Variants in NRXN3 observed in about 807,000 individuals in gnomAD.
NRXN3 encodes neurexin 3.
In NRXN3, 32 loss-of-function variants were observed where a neutral mutation model predicts 137.6. That is an observed-to-expected ratio of 0.23 (90% CI 0.18 to 0.31). The LOEUF (loss-of-function observed/expected upper bound fraction) is 0.31. Among genes scored for constraint, NRXN3 ranks in the 10% least tolerant of loss-of-function variants. The probability of loss-of-function intolerance (pLI) is 1.00; values close to 1 mark genes in which losing one functional copy is unlikely to be tolerated. For synonymous variants in NRXN3, 798 were observed against 784.5 expected (o/e 1.02, Z -0.29); for missense variants, 1,574 against 2,062.5 (o/e 0.76, Z 4.59).
rs139974759 is a variant in NRXN3 at position 79,157,960 on chromosome 14, C to T, written c.3262+169819C>T. On this transcript the variant is annotated intron_variant, in intron 15 of 20. Coordinates refer to ENST00000335750, the MANE Select transcript of NRXN3 (RefSeq NM_001330195.2). ...TGCATATTGTTTTTTTCTGAAATGC[C>T]GCTATGCAGTCAGGGATGAGAAGGG... Among the ~76,000 whole-genome samples, 94 of 151,680 alleles carry T rather than the reference C, an allele frequency of 6.2e-4. No individual in the cohort carries two copies. In the East Asian group the frequency reaches 0.016, roughly 25 times the overall value.
intron 15 of NRXN3, among the ~76,000 whole-genome samples, chr14:79,139,265 AT>A (rs2058558732): frequency 6.6e-6 from 1 of 152,166 alleles, no homozygotes; most frequent in Non-Finnish European, 1.5e-5. Flanking sequence ...ACATAGTGTC[AT>A]TTGGACTTTT....
chr14:79,853,472 T>C, intron 20 of NRXN3: 1 of 904,186 alleles, frequency 1.1e-6, no homozygotes, highest in Non-Finnish European at 1.5e-6. Flanking sequence ...AGTTCTGTTC[T>C]TTATTTCCAT....
chr14:78,525,824 A>G (rs1172440167), intron 4 of NRXN3, among the ~76,000 whole-genome samples: 2 of 152,152 alleles, frequency 1.3e-5, no homozygotes, highest in Non-Finnish European at 2.9e-5. Context: ...TTTGCTCCTC[A>G]TTAGCAGTGT....
intron 15 of NRXN3, among the ~76,000 whole-genome samples, chr14:79,299,681 T>A (rs2084808511): frequency 6.6e-6 from 1 of 152,074 alleles, no homozygotes; most frequent in Non-Finnish European, 1.5e-5. Flanking sequence ...GAGAGTTCAG[T>A]AAATGCTAAC....
intron 6 of NRXN3, among the ~76,000 whole-genome samples, chr14:78,693,656 CGTGTGTGTGTGTGTGTGTGTGTGTGTGT>C (rs4016744): frequency 6.1e-5 from 7 of 113,988 alleles, no homozygotes; most frequent in East Asian, 2.7e-4. Flanking sequence ...AGTTGATTTT[CGTGTGTGTGTGTGTGTGTGTGTGTGTGT>C]GTGTGTGTGT....
At chr14:78,401,255 C>A (rs940966409) in intron 4 of NRXN3, among the ~76,000 whole-genome samples, 2 of 152,136 alleles carry the variant, frequency 1.3e-5, no homozygotes, top group African/African-American at 2.4e-5. Context: ...GCCACCGCCT[C>A]CTGGGTTCAA....
chr14:79,006,430 A>G (rs1292105208), intron 15 of NRXN3, among the ~76,000 whole-genome samples: 1 of 152,192 alleles, frequency 6.6e-6, no homozygotes, highest in African/African-American at 2.4e-5. Context: ...AATAGAATAT[A>G]AGCTGCTACA....
At chr14:79,517,866 A>ACTT (rs2097010684) in intron 16 of NRXN3, among the ~76,000 whole-genome samples, 2 of 95,266 alleles carry the variant, frequency 2.1e-5, no homozygotes, top group Admixed American at 9.7e-5. Context: ...CTCCCTTATT[A>ACTT]CTTTTTCTTT....
intron 15 of NRXN3, among the ~76,000 whole-genome samples, chr14:79,268,761 C>T (rs2078834230): frequency 2.0e-5 from 3 of 152,092 alleles, no homozygotes; most frequent in Non-Finnish European, 4.4e-5. Flanking sequence ...TGAGTATAGA[C>T]AAGTTACAAT....
chr14:78,967,768 A>G (rs1284324212), intron 13 of NRXN3, among the ~76,000 whole-genome samples: 2 of 152,028 alleles, frequency 1.3e-5, no homozygotes, highest in Non-Finnish European at 2.9e-5. Flanking sequence ...TTCAGCTTAC[A>G]TTTACTTTTC....
chr14:79,753,701 C>G (rs973477271), intron 19 of NRXN3, among the ~76,000 whole-genome samples: 1 of 150,916 alleles, frequency 6.6e-6, no homozygotes, highest in Non-Finnish European at 1.5e-5. Flanking sequence ...GCATATGTAC[C>G]CTAAAACTTA....
intron 8 of NRXN3, among the ~76,000 whole-genome samples, chr14:78,770,577 G>C (rs1310630818): frequency 6.6e-6 from 1 of 152,184 alleles, no homozygotes; most frequent in African/African-American, 2.4e-5. Flanking sequence ...GAGCATTTGA[G>C]AGTAAAATGT....
At chr14:78,797,332 G>A (rs1046544967) in intron 8 of NRXN3, among the ~76,000 whole-genome samples, 2 of 152,128 alleles carry the variant, frequency 1.3e-5, no homozygotes, top group African/African-American at 4.8e-5. Context: ...TTAGGAGAAT[G>A]CAAATAAACA....
At chr14:78,700,293 A>C (rs1368972492) in intron 6 of NRXN3, among the ~76,000 whole-genome samples, 2 of 152,226 alleles carry the variant, frequency 1.3e-5, no homozygotes, top group African/African-American at 2.4e-5. Context: ...AGAAAAGTGG[A>C]GAATAGGTTC....
At chr14:79,096,134 A>G (rs2050287780) in intron 15 of NRXN3, among the ~76,000 whole-genome samples, 1 of 149,228 alleles carries the variant, frequency 6.7e-6, no homozygotes, top group Non-Finnish European at 1.5e-5. Context: ...TAGAGCCAGA[A>G]TCTCCCTCTG....
At chr14:79,108,996 T>C (rs1461356212) in intron 15 of NRXN3, among the ~76,000 whole-genome samples, 1 of 152,160 alleles carries the variant, frequency 6.6e-6, no homozygotes. Flanking sequence ...CTCTAAAAAA[T>C]AGGCTACTGT....
chr14:79,499,540 T>G (rs1407194133), intron 16 of NRXN3, among the ~76,000 whole-genome samples: 2 of 152,184 alleles, frequency 1.3e-5, no homozygotes, highest in African/African-American at 4.8e-5. Context: ...CTGCCTCACT[T>G]TTGAATGAAA....
chr14:78,246,653 T>C (rs1400517929), intron 2 of NRXN3, among the ~76,000 whole-genome samples: 1 of 152,182 alleles, frequency 6.6e-6, no homozygotes, highest in Admixed American at 6.5e-5. Flanking sequence ...CAAAAATGCA[T>C]CACAGACTAT....
intron 10 of NRXN3, among the ~76,000 whole-genome samples, chr14:78,924,941 G>A (rs541093365): frequency 4.3e-4 from 65 of 152,284 alleles, no homozygotes; most frequent in African/African-American, 1.3e-3. Flanking sequence ...GCACCCTTCC[G>A]AAAGAGTTCA....
Sources: allele counts gnomAD v4.1 joint callset (sites outside exome capture counted in the v4.1 genomes callset), GRCh38; gene constraint gnomAD v4.1.1; transcripts MANE v1.5; gene names NCBI Gene and HGNC (gene_info 2026-07-23, HGNC 2026-07-21).